PRKCB: variants seen among roughly 807,000 people sequenced by gnomAD.
PRKCB encodes protein kinase C beta type.
In PRKCB, 13 loss-of-function variants were observed where a neutral mutation model predicts 81.5. That is an observed-to-expected ratio of 0.16 (90% CI 0.10 to 0.25). The LOEUF (loss-of-function observed/expected upper bound fraction) is 0.25, where lower values mean the gene tolerates loss of function less well. Among genes scored for constraint, PRKCB ranks in the 10% least tolerant of loss-of-function variants. PRKCB has a pLI of 1.00. For missense variants in PRKCB, 509 were observed against 875.7 expected, an observed-to-expected ratio of 0.58 and a Z score of 5.29; for synonymous variants, 335 against 321.4, an observed-to-expected ratio of 1.04 and a Z score of -0.45.
intron 2 of PRKCB, among the ~76,000 whole-genome samples, chr16:23,873,242 C>T (rs866979918): frequency 7.5e-5 from 11 of 147,442 alleles, no homozygotes; most frequent in South Asian, 2.2e-4. Flanking sequence ...TGGTGGTGGG[C>T]GCCTGTAATC....
chr16:23,945,101 A>G (rs1964186917), intron 2 of PRKCB, among the ~76,000 whole-genome samples: 1 of 152,154 alleles, frequency 6.6e-6, no homozygotes, highest in Admixed American at 6.5e-5. Flanking sequence ...AGGGACATGG[A>G]GAGGCTGCAG....
chr16:23,933,927 T>TTC (rs1567318509), intron 2 of PRKCB, among the ~76,000 whole-genome samples: 33 of 138,288 alleles, frequency 2.4e-4, no homozygotes, highest in Admixed American at 4.4e-4. Context: ...ATCCTTCCAT[T>TTC]CATCCATCCA....
chr16:23,871,322 C>T (rs1962899928), intron 2 of PRKCB, among the ~76,000 whole-genome samples: 1 of 152,188 alleles, frequency 6.6e-6, no homozygotes, highest in Non-Finnish European at 1.5e-5. Flanking sequence ...TTTCTCTCCA[C>T]ATGCCTGGCC....
At chr16:24,192,491 T>C (rs1596591621) in intron 16 of PRKCB, among the ~76,000 whole-genome samples, 1 of 152,208 alleles carries the variant, frequency 6.6e-6, no homozygotes, top group East Asian at 1.9e-4. Flanking sequence ...AGTGAGCTCT[T>C]TGTTCAGGAA....
chr16:23,921,639 A>T (rs1291397751), intron 2 of PRKCB, among the ~76,000 whole-genome samples: 1 of 152,114 alleles, frequency 6.6e-6, no homozygotes, highest in Non-Finnish European at 1.5e-5. Context: ...TGTTTCTACT[A>T]AAAATACAAA....
rs545495794 is a variant in PRKCB, at chr16:24,093,918, A to C, written c.687-245A>C. ...AACCCTATTAAGACATAAGATAACA[A>C]AAGTAGTTAGAACTGTTCTTGTCAT... On this transcript the variant is annotated intron_variant, in intron 6 of 16. Coordinates refer to ENST00000643927, the MANE Select transcript of PRKCB (RefSeq NM_002738.7). 6.6e-5 allele frequency among the ~76,000 whole-genome samples: 10 copies of C among 152,370 alleles called. No individual in the cohort carries two copies. In the South Asian group the frequency reaches 1.4e-3, roughly 22 times the overall value.
intron 5 of PRKCB, among the ~76,000 whole-genome samples, chr16:24,061,207 T>G (rs1361883311): frequency 6.6e-6 from 1 of 152,078 alleles, no homozygotes; most frequent in Non-Finnish European, 1.5e-5. Flanking sequence ...ATTACAGGTG[T>G]GCATCACCAC....
intron 2 of PRKCB, among the ~76,000 whole-genome samples, chr16:23,901,034 T>C (rs1963464675): frequency 6.6e-6 from 1 of 152,092 alleles, no homozygotes; most frequent in African/African-American, 2.4e-5. Flanking sequence ...ATGGGGATCC[T>C]GAGCTGATAG....
Position 23,836,187 on chromosome 16 carries a change from G to C in PRKCB, c.12G>C (p.Pro4=). The C allele has an allele frequency of 6.4e-7, 1 of 1,565,318 alleles. No homozygotes were observed. Residue 4 remains proline (P), a synonymous_variant, in exon 1 of 17, where the codon CCG becomes CCC. Coordinates refer to ENST00000643927, the MANE Select transcript of PRKCB (RefSeq NM_002738.7). MAD[P]AAGPPPSEGE... The stretch of plus-strand genomic sequence containing the variant: ...TCCCCGCGCGCAAGATGGCTGACCC[G>C]GCTGCGGGGCCGCCGCCGAGCGAGG...
chr16:24,149,221 C>A (rs1967039287), intron 9 of PRKCB, among the ~76,000 whole-genome samples: 1 of 152,188 alleles, frequency 6.6e-6, no homozygotes, highest in South Asian at 2.1e-4. Flanking sequence ...ACATTCTGTT[C>A]ATTAAGGCAG....
intron 16 of PRKCB, among the ~76,000 whole-genome samples, chr16:24,192,901 G>C (rs2141980972): frequency 6.6e-6 from 1 of 152,244 alleles, no homozygotes; most frequent in Non-Finnish European, 1.5e-5. Flanking sequence ...TTTGGCATTA[G>C]GAGCTCAGCC....
chr16:24,093,203 G>A (rs534242695), intron 6 of PRKCB, among the ~76,000 whole-genome samples: 114 of 152,258 alleles, frequency 7.5e-4, no homozygotes, highest in African/African-American at 2.5e-3. Context: ...GGAGTGGGTA[G>A]GACAGGAAAT....
chr16:23,963,150 A>C (rs1253431255), intron 2 of PRKCB: 1 of 152,232 alleles, frequency 6.6e-6, no homozygotes, highest in African/African-American at 2.4e-5. Context: ...GAGATAAACC[A>C]GGTTTTGAAT....
At chr16:24,031,877 A>T (rs544112141) in intron 3 of PRKCB, 5 of 312,730 alleles carry the variant, frequency 1.6e-5, no homozygotes, top group Non-Finnish European at 3.0e-5. Context: ...GCAGGCCCAG[A>T]TGGAGGGTTT....
chr16:23,912,981 C>T (rs963979441), intron 2 of PRKCB, among the ~76,000 whole-genome samples: 5 of 152,038 alleles, frequency 3.3e-5, no homozygotes, highest in Non-Finnish European at 2.9e-5. Context: ...TGTGCCACCA[C>T]GCCCAGCTAA....
intron 2 of PRKCB, among the ~76,000 whole-genome samples, chr16:23,888,014 C>G (rs1422027068): frequency 6.6e-6 from 1 of 152,182 alleles, no homozygotes; most frequent in Non-Finnish European, 1.5e-5. Context: ...CTTGAGCACA[C>G]CTGCATCTGA....
chr16:24,152,382 G>GGA (rs1967093551), intron 9 of PRKCB, among the ~76,000 whole-genome samples: 1 of 152,156 alleles, frequency 6.6e-6, no homozygotes, highest in Admixed American at 6.5e-5. Context: ...GGAAATTACG[G>GGA]GAGCTACAAT....
chr16:23,854,909 C>T (rs188633278), intron 2 of PRKCB, among the ~76,000 whole-genome samples: 73 of 152,278 alleles, frequency 4.8e-4, no homozygotes, highest in Admixed American at 2.4e-3. Flanking sequence ...TCAACATTTA[C>T]ACCTGATAAT....
intron 8 of PRKCB, among the ~76,000 whole-genome samples, chr16:24,113,911 G>T (rs1345981436): frequency 6.6e-6 from 1 of 151,886 alleles, no homozygotes; most frequent in East Asian, 2.0e-4. Flanking sequence ...TGGTAGTCAT[G>T]GTGAATGAAA....
Sources: allele counts gnomAD v4.1 joint callset (sites outside exome capture counted in the v4.1 genomes callset), GRCh38; gene constraint gnomAD v4.1.1; transcripts MANE v1.5; gene names NCBI Gene and HGNC (gene_info 2026-07-23, HGNC 2026-07-21).